POLR2F: variants seen among roughly 807,000 people sequenced by gnomAD.
The protein encoded by POLR2F is RNA polymerase II, I and III subunit F.
Under a neutral mutation model 22.7 loss-of-function variants are expected in POLR2F, and 12 were observed. That is an observed-to-expected ratio of 0.53 (90% confidence interval 0.34 to 0.86). POLR2F has a LOEUF of 0.86. Ranked by LOEUF, POLR2F falls within the 40% of genes least tolerant of loss-of-function variation. The pLI, the probability that POLR2F is intolerant of heterozygous loss-of-function variation, is 0.02. For synonymous variants in POLR2F, 57 were observed against 66.0 expected (o/e 0.86, Z 0.66); for missense variants, 126 against 171.5 (o/e 0.73, Z 1.48).
At chr22:38,027,047 G>A (rs1306516871), downstream of POLR2F, among the ~76,000 whole-genome samples, 1 of 152,182 alleles carries the variant, frequency 6.6e-6, no homozygotes, top group Non-Finnish European at 1.5e-5. Flanking sequence ...TCACTGGATG[G>A]TGATGGCCTG....
chr22:37,982,024 C>T (rs564137983), upstream of POLR2F, among the ~76,000 whole-genome samples: 9 of 152,358 alleles, frequency 5.9e-5, no homozygotes, highest in South Asian at 1.9e-3. Flanking sequence ...CCAATCTCTA[C>T]CCAACTGTGG....
At chr22:38,041,072 C>T (rs780225243) in exon 6 of POLR2F, 16 of 1,612,852 alleles carry the variant, frequency 9.9e-6, no homozygotes, top group Middle Eastern at 3.3e-4. Flanking sequence ...TTCCAGGAGG[C>T]GGCGGCTCAG....
chr22:38,024,070 CT>C (rs2084985033), intron 1 of POLR2F, among the ~76,000 whole-genome samples: 1 of 152,088 alleles, frequency 6.6e-6, no homozygotes, highest in Non-Finnish European at 1.5e-5. Context: ...TCTCGAACTC[CT>C]GACCTCAGGT....
intron 1 of POLR2F, among the ~76,000 whole-genome samples, chr22:37,999,833 C>T (rs975727989): frequency 5.9e-5 from 9 of 152,106 alleles, no homozygotes; most frequent in African/African-American, 1.7e-4. Context: ...GTCAAGTGCC[C>T]GACACAATAG....
At chr22:38,011,735 G>A (rs545685171) in intron 1 of POLR2F, among the ~76,000 whole-genome samples, 107 of 151,790 alleles carry the variant, frequency 7.0e-4, no homozygotes, top group African/African-American at 2.3e-3. Context: ...TACTAGTCTG[G>A]ATCCTTTGTG....
intron 1 of POLR2F, among the ~76,000 whole-genome samples, chr22:37,988,531 A>G (rs951519512): frequency 6.6e-6 from 1 of 151,844 alleles, no homozygotes; most frequent in African/African-American, 2.4e-5. Context: ...CGCACCTGTA[A>G]TCCCAGCTAC....
At chr22:37,973,538 G>T, downstream of POLR2F, 1 of 1,611,556 alleles carries the variant, frequency 6.2e-7, no homozygotes, top group Non-Finnish European at 8.5e-7. Context: ...CTCCCAGTGT[G>T]TGGGGCTGTG....
downstream of POLR2F, chr22:37,973,937 A>G: frequency 6.2e-7 from 1 of 1,610,612 alleles, no homozygotes; most frequent in African/African-American, 1.3e-5. Flanking sequence ...GGCACTGCCC[A>G]GCCCATAGCC....
chr22:38,041,455 C>T, downstream of POLR2F: 1 of 307,762 alleles, frequency 3.2e-6, no homozygotes, highest in East Asian at 6.3e-5. Flanking sequence ...AAGTGGAAGG[C>T]TTGTGGGCGG....
intron 1 of POLR2F, among the ~76,000 whole-genome samples, chr22:37,956,093 C>G (rs2744978): frequency 0.058 from 8,750 of 149,616 alleles, 876 homozygotes; most frequent in African/African-American, 0.21. Flanking sequence ...TTTGCGGTGG[C>G]GGGGGGGGGT....
At chr22:37,989,986 C>G (rs1254396100) in intron 1 of POLR2F, among the ~76,000 whole-genome samples, 1 of 152,222 alleles carries the variant, frequency 6.6e-6, no homozygotes, top group Non-Finnish European at 1.5e-5. Context: ...CTATGACTTT[C>G]CCTCAGAGGA....
At chr22:38,028,227 G>T (rs8140356), downstream of POLR2F, among the ~76,000 whole-genome samples, 542 of 152,292 alleles carry the variant, frequency 3.6e-3, 3 homozygotes, top group African/African-American at 0.012. Context: ...GAACAGTGGG[G>T]ACCTGGGTGA....
intron 3 of POLR2F, 101 bp from the exon 4 acceptor site, chr22:37,966,998 C>T (rs548386396): frequency 5.4e-5 from 42 of 775,912 alleles, no homozygotes; most frequent in African/African-American, 4.7e-4. Context: ...TAGAAGATGA[C>T]GTTTCTAGGT....
At chr22:37,966,679 T>A (rs1931864510) in intron 3 of POLR2F, among the ~76,000 whole-genome samples, 1 of 151,904 alleles carries the variant, frequency 6.6e-6, no homozygotes, top group African/African-American at 2.4e-5. Context: ...GCAGGAGAAT[T>A]GCTTGAGCCT....
intron 1 of POLR2F, among the ~76,000 whole-genome samples, chr22:38,005,565 G>T (rs1335280378): frequency 1.3e-5 from 2 of 152,210 alleles, no homozygotes; most frequent in African/African-American, 2.4e-5. Context: ...CTGGCCTGGG[G>T]GCCAGAGAGG....
At chr22:38,007,626 G>A (rs1477872836) in intron 1 of POLR2F, among the ~76,000 whole-genome samples, 1 of 152,234 alleles carries the variant, frequency 6.6e-6, no homozygotes, top group Non-Finnish European at 1.5e-5. Flanking sequence ...TGGCTGGCAG[G>A]TGACAGAGAG....
At chr22:38,006,177 G>A (rs575786949) in intron 1 of POLR2F, among the ~76,000 whole-genome samples, 1 of 152,170 alleles carries the variant, frequency 6.6e-6, no homozygotes, top group South Asian at 2.1e-4. Flanking sequence ...CACTACATTC[G>A]AGACTGGGCA....
In POLR2F at chr22:37,967,611, C is replaced by T; in HGVS notation, c.294-14C>T. On this transcript the variant is annotated splice_polypyrimidine_tract_variant and intron_variant, in intron 4 of 4. Coordinates refer to ENST00000442738, the MANE Select transcript of POLR2F (RefSeq NM_021974.5). The stretch of plus-strand genomic sequence containing the variant: ...ACCAGCCCTCATGTACTTGTGACTT[C>T]TCCCCTGCCACAGGGCCCGAAAGAT... 2 of 1,613,374 alleles carry T rather than the reference C, an allele frequency of 1.2e-6. No individual in the cohort carries two copies. Among genetic ancestry groups the T allele is most frequent in the Non-Finnish European group, 1.7e-6 (2 of 1,179,624 alleles).
chr22:38,037,654 A>T (rs2085129763), intron 5 of POLR2F, among the ~76,000 whole-genome samples: 1 of 146,440 alleles, frequency 6.8e-6, no homozygotes, highest in Non-Finnish European at 1.5e-5. Flanking sequence ...GTGCAGTGGC[A>T]CCATCTCAGC....
Sources: gnomAD v4.1 joint callset for allele counts (sites outside exome capture counted in the v4.1 genomes callset) on GRCh38, gnomAD v4.1.1 for gene constraint, MANE v1.5 for transcripts, NCBI Gene and HGNC (gene_info 2026-07-23, HGNC 2026-07-21) for gene names.